SMURF1: variants seen among roughly 807,000 people sequenced by gnomAD.
The protein encoded by SMURF1 is SMAD specific E3 ubiquitin protein ligase 1.
Under a neutral mutation model 98.0 loss-of-function variants are expected in SMURF1, and 44 were observed. The observed-to-expected ratio is 0.45, with a 90% CI of 0.35 to 0.58. The LOEUF (loss-of-function observed/expected upper bound fraction) is 0.58. Ranked by LOEUF, SMURF1 falls within the 20% of genes least tolerant of loss-of-function variation. The pLI, the probability that SMURF1 is intolerant of heterozygous loss-of-function variation, is 0.00. For missense variants in SMURF1, 687 were observed against 938.4 expected (o/e 0.73, Z 3.50); for synonymous variants, 396 against 374.9 (o/e 1.06, Z -0.65).
At chr7:99,072,716 C>T (rs1021170362) in intron 1 of SMURF1, among the ~76,000 whole-genome samples, 5 of 152,142 alleles carry the variant, frequency 3.3e-5, no homozygotes, top group South Asian at 2.1e-4. Context: ...AAACCCCACA[C>T]GTGGCTATGA....
chr7:99,087,206 C>CA (rs894217729), intron 1 of SMURF1, among the ~76,000 whole-genome samples: 10 of 148,180 alleles, frequency 6.7e-5, no homozygotes, highest in East Asian at 3.9e-4. Flanking sequence ...CCCATCTCTA[C>CA]AAAAAAAAAA....
intron 1 of SMURF1, among the ~76,000 whole-genome samples, chr7:99,063,694 A>G (rs1005366214): frequency 1.2e-4 from 18 of 152,038 alleles, no homozygotes; most frequent in Non-Finnish European, 4.4e-5. Context: ...TCAATTTTAG[A>G]ACATTTTTAT....
chr7:99,047,766 T>C lies in SMURF1; in HGVS notation c.1070A>G (p.Lys357Arg), dbSNP rs745374275. The C allele has an allele frequency of 2.5e-6, 4 of 1,614,230 alleles. No individual in the cohort carries two copies. The highest frequency in any genetic ancestry group is 3.4e-6 in the Non-Finnish European group (4 of 1,180,044). ...AAGCGACAGTTCGTGTCTGAGGACT[T>C]TCAGCTTCTGGACTAGATCTCTTTC... ...RYERDLVQKL[K>R]VLRHELSLQQ... The change falls in exon 10 of 18, where the codon AAA becomes AGA. Residue 357 changes from lysine (K) to arginine (R), a missense_variant. Lys to Arg is a conservative substitution (Grantham distance 26, BLOSUM62 2). Around this residue, in one of 2 missense-constraint regions of SMURF1, gnomAD observed 415 missense variants for 508.4 expected, o/e 0.82. Coordinates refer to ENST00000361368, the MANE Select transcript of SMURF1 (RefSeq NM_181349.3).
chr7:99,069,741 G>A (rs1400358951), intron 1 of SMURF1, among the ~76,000 whole-genome samples: 3 of 152,176 alleles, frequency 2.0e-5, no homozygotes, highest in Admixed American at 2.0e-4. Context: ...TATATCAACA[G>A]ATTCAAATGC....
intron 1 of SMURF1, among the ~76,000 whole-genome samples, chr7:99,085,723 C>T (rs145778848): frequency 3.0e-4 from 46 of 152,224 alleles, no homozygotes; most frequent in African/African-American, 1.0e-3. Flanking sequence ...GGAATAGTTT[C>T]GCTGCCCTAA....
chr7:99,132,014 G>A (rs1328440232), intron 1 of SMURF1, among the ~76,000 whole-genome samples: 2 of 152,284 alleles, frequency 1.3e-5, no homozygotes, highest in African/African-American at 4.8e-5. Flanking sequence ...CTGAGGGAGA[G>A]GCTAAGGAAA....
In SMURF1 at chr7:99,032,964, CAAAA is replaced by C. The variant is rs139310092; in HGVS notation, c.2096+69_2096+72del. The C allele has an allele frequency of 1.4e-4, 177 of 1,308,898 alleles. 1 individual carries two copies. The African/African-American group carries it at 2.3e-3, about 17-fold the overall frequency. The allele number at this position is 1,308,898 out of a possible 1,614,324, so 81.1% of individuals were successfully genotyped here. On this transcript the variant is annotated intron_variant, in intron 17 of 17. Transcript: ENST00000361368. The stretch of plus-strand genomic sequence containing the variant: ...GAGACTCCATCTCAAAAAAAAACAA[CAAAA>C]AAAAAACGTGAACGTCAGCATCCTC...
At chr7:99,115,084 A>G (rs1035735271) in intron 1 of SMURF1, among the ~76,000 whole-genome samples, 2 of 151,962 alleles carry the variant, frequency 1.3e-5, no homozygotes, top group African/African-American at 4.8e-5. Flanking sequence ...AGGAATTAGA[A>G]AAAGAACAGC....
intron 1 of SMURF1, among the ~76,000 whole-genome samples, chr7:99,093,725 G>C (rs1796867718): frequency 6.6e-6 from 1 of 151,808 alleles, no homozygotes; most frequent in Admixed American, 6.6e-5. Context: ...CTTAACCTAT[G>C]ACAAAGTATG....
At chr7:99,100,423 C>T (rs28760348) in intron 1 of SMURF1, among the ~76,000 whole-genome samples, 5,782 of 152,150 alleles carry the variant, frequency 0.038, 339 homozygotes, top group African/African-American at 0.12. Flanking sequence ...GGCATGGTGG[C>T]GGGCGCCTAT....
At chr7:99,051,585 GAAT>G (rs1795753498) in intron 7 of SMURF1, 144 bp from the exon 8 acceptor site, 1 of 680,706 alleles carries the variant, frequency 1.5e-6, no homozygotes, top group Admixed American at 2.3e-5. Context: ...TGAGGTGGCC[GAAT>G]AATCCCCTCT....
intron 1 of SMURF1, among the ~76,000 whole-genome samples, chr7:99,140,522 G>C (rs1243245748): frequency 1.3e-5 from 2 of 152,002 alleles, no homozygotes; most frequent in African/African-American, 4.8e-5. Flanking sequence ...TCCTGACCTC[G>C]TGATCCGCCC....
intron 3 of SMURF1, among the ~76,000 whole-genome samples, chr7:99,057,962 A>G (rs1795923919): frequency 6.6e-6 from 1 of 152,144 alleles, no homozygotes. Context: ...TTATAAAATA[A>G]TGTTGCCTCT....
chr7:99,070,205 T>A (rs1796285683), intron 1 of SMURF1, among the ~76,000 whole-genome samples: 1 of 152,216 alleles, frequency 6.6e-6, no homozygotes, highest in Non-Finnish European at 1.5e-5. Context: ...CTGTCTCTTC[T>A]GTGAGACACA....
intron 2 of SMURF1, among the ~76,000 whole-genome samples, chr7:99,061,220 G>A (rs780694324): frequency 6.6e-6 from 1 of 152,188 alleles, no homozygotes; most frequent in Non-Finnish European, 1.5e-5. Flanking sequence ...TTGAGCCTAA[G>A]TTTCTTCATC....
intron 1 of SMURF1, among the ~76,000 whole-genome samples, chr7:99,091,302 A>G (rs1342199317): frequency 1.3e-5 from 2 of 152,266 alleles, no homozygotes; most frequent in African/African-American, 4.8e-5. Flanking sequence ...CATGCAATGC[A>G]TACCCATGAA....
At position 99,060,670 on chromosome 7, in the gene SMURF1, C is replaced by G. The variant is rs1485748271; in HGVS notation, c.132G>C (p.Gly44=). 2 of 1,613,942 alleles carry G rather than the reference C, an allele frequency of 1.2e-6. No homozygotes were observed. Among genetic ancestry groups the G allele is most frequent in the Non-Finnish European group, 1.7e-6 (2 of 1,179,956 alleles). ...TGTCGGTTGAGTGGCACTGCCCAGACCCATCCACGACAATCTTTGCAAAAG... is the reference window on the plus strand; with the variant it reads ...TGTCGGTTGAGTGGCACTGCCCAGAGCCATCCACGACAATCTTTGCAAAAG... The part of the protein sequence containing the change: ...PDPFAKIVVD[G]SGQCHSTDTV... The change falls in exon 3 of 18, where the codon GGG becomes GGC. Residue 44 remains glycine (G), a synonymous_variant. Coordinates refer to ENST00000361368, the MANE Select transcript of SMURF1 (RefSeq NM_181349.3).
Position 99,035,883 on chromosome 7 carries a change from T to C in SMURF1, c.1810-167A>G. The C allele has an allele frequency of 5.9e-6, 4 of 673,204 alleles. No homozygotes were observed. In the East Asian group the frequency reaches 8.2e-5, roughly 14 times the overall value. 41.7% of individuals were successfully genotyped at this position (673,204 alleles called of 1,614,324 possible). ...GGAAGAAAGCTACAAACAGGAGGCC[T>C]GTGGCACATGCTTCCGTCCGCCTCC... On this transcript the variant is annotated intron_variant, in intron 15 of 17. Coordinates refer to ENST00000361368, the MANE Select transcript of SMURF1 (RefSeq NM_181349.3).
At chr7:99,073,421 C>T (rs966157238) in intron 1 of SMURF1, among the ~76,000 whole-genome samples, 1 of 149,610 alleles carries the variant, frequency 6.7e-6, no homozygotes, top group Non-Finnish European at 1.5e-5. Flanking sequence ...TTAAACGTTT[C>T]CAGTCGATGT....
Sources: allele counts gnomAD v4.1 joint callset (sites outside exome capture counted in the v4.1 genomes callset), GRCh38; gene constraint gnomAD v4.1.1; regional missense constraint gnomAD v4.1.1; transcripts MANE v1.5; gene names NCBI Gene and HGNC (gene_info 2026-07-23, HGNC 2026-07-21).